The following KCNQ4 variants were observed in gnomAD, a reference collection of about 807,000 sequenced individuals.
KCNQ4 encodes potassium voltage-gated channel subfamily KQT member 4.
KCNQ4 carries 31 observed loss-of-function variants against 72.6 expected under a neutral mutation model. The ratio of observed to expected loss-of-function variants is 0.43; its 90% CI spans 0.32 to 0.58. The LOEUF is 0.58. Ranked by LOEUF, KCNQ4 falls within the 20% of genes least tolerant of loss-of-function variation. The pLI, the probability that KCNQ4 is intolerant of heterozygous loss-of-function variation, is 0.08. For missense variants in KCNQ4, 869 were observed against 962.6 expected, an observed-to-expected ratio of 0.90 and a Z score of 1.29; for synonymous variants, 405 against 403.7, an observed-to-expected ratio of 1.00 and a Z score of -0.04.
intron 7 of KCNQ4, 121 bp downstream of exon 7, chr1:40,820,381 G>A (rs1444447328): frequency 2.3e-6 from 2 of 851,236 alleles, no homozygotes; most frequent in East Asian, 2.7e-5. Flanking sequence ...GCTCAAAAGG[G>A]CTATGTGACT....
At chr1:40,789,602 C>G (rs759234643) in intron 1 of KCNQ4, among the ~76,000 whole-genome samples, 4 of 152,136 alleles carry the variant, frequency 2.6e-5, no homozygotes, top group Non-Finnish European at 4.4e-5. Flanking sequence ...TTTGGTGTCA[C>G]TGGAGCCGGT....
At chr1:40,833,134 G>T in intron 11 of KCNQ4, 21 bp downstream of exon 11, 4 of 1,578,900 alleles carry the variant, frequency 2.5e-6, no homozygotes, top group South Asian at 1.1e-5. Context: ...GGCCTGAGGC[G>T]AGCACCCCCC....
chr1:40,803,178 C>G (rs1170899211), intron 1 of KCNQ4, among the ~76,000 whole-genome samples: 1 of 152,190 alleles, frequency 6.6e-6, no homozygotes, highest in Non-Finnish European at 1.5e-5. Flanking sequence ...ACTCCCAGAA[C>G]ACAGAAGTCC....
rs1462694648 is a variant in KCNQ4, at chr1:40,794,244, G to A, written c.314+9837G>A. ...ACCTGCAGAGCACAGGGCCTTGATT[G>A]ACAGGCTGTGGAGGTGGGCCTTACC... On this transcript the variant is annotated intron_variant, in intron 1 of 13. Transcript: ENST00000347132. The surrounding 1 kb of genome is among the most constrained non-coding windows in gnomAD (Gnocchi z 4.2). 6.6e-6 allele frequency among the ~76,000 whole-genome samples: 1 copy of A among 152,222 alleles called. No individual in the cohort carries two copies. Among genetic ancestry groups the A allele is most frequent in the African/African-American group, 2.4e-5 (1 of 41,460 alleles).
intron 1 of KCNQ4, among the ~76,000 whole-genome samples, chr1:40,792,967 C>A (rs1454363836): frequency 6.6e-6 from 1 of 151,498 alleles, no homozygotes; most frequent in East Asian, 1.9e-4. Flanking sequence ...CCCCAAGGGG[C>A]CCCTGTGGGC....
chr1:40,825,970 A>G (rs1168837194), intron 9 of KCNQ4, among the ~76,000 whole-genome samples: 1 of 152,020 alleles, frequency 6.6e-6, no homozygotes, highest in African/African-American at 2.4e-5. Flanking sequence ...CTGGGAGGGG[A>G]CTTGGCGAGT....
At position 40,838,404 on chromosome 1, in the gene KCNQ4, G is replaced by C. The variant is rs757100858; in HGVS notation, c.1969G>C (p.Val657Leu). The C allele has an allele frequency of 8.7e-6, 14 of 1,614,124 alleles. No homozygotes were observed. The East Asian group carries it at 3.1e-4, about 36-fold the overall frequency. The stretch of plus-strand genomic sequence containing the variant: ...CTCGGCCAGCCTGGGCGCCGTGCAA[G>C]TGCCGCTGTTCGACCCCGACATCAC... ...GTSASLGAVQ[V>L]PLFDPDITSD... Residue 657 changes from valine to leucine, a missense_variant, in exon 14 of 14, where the codon GTG becomes CTG. Coordinates refer to ENST00000347132, the MANE Select transcript of KCNQ4 (RefSeq NM_004700.4).
At position 40,834,993 on chromosome 1, in the gene KCNQ4, G is replaced by A; in HGVS notation, c.1640G>A (p.Arg547Lys). The change falls in exon 12 of 14, where the codon AGG (arginine) becomes AAG (lysine). Residue 547 changes from arginine to lysine, a missense_variant. Physicochemically the swap from Arg to Lys is conservative, Grantham distance 26. Transcript: ENST00000347132. ...IRILKFLVAKRKFKETLRPYD... is the reference protein window; with the variant it reads ...IRILKFLVAKKKFKETLRPYD... ...ATTCTCAAGTTCCTGGTGGCCAAAA[G>A]GAAATTCAAGGAGACACTGCGACCG... The A allele has an allele frequency of 3.1e-6, 5 of 1,613,954 alleles. No individual in the cohort carries two copies. The highest frequency in any genetic ancestry group is 2.5e-6 in the Non-Finnish European group (3 of 1,179,892).
chr1:40,786,029 T>C (rs1270207841), intron 1 of KCNQ4, among the ~76,000 whole-genome samples: 2 of 152,056 alleles, frequency 1.3e-5, no homozygotes, highest in Admixed American at 6.5e-5. Flanking sequence ...TTGGGAGGCC[T>C]AGGATGAATA....
intron 1 of KCNQ4, among the ~76,000 whole-genome samples, chr1:40,790,152 G>T (rs980080489): frequency 1.3e-5 from 2 of 152,190 alleles, no homozygotes; most frequent in African/African-American, 4.8e-5. Flanking sequence ...TTCCTTCCTG[G>T]TTCTAGCCTT....
rs1176748165 is a variant in KCNQ4 at position 40,840,254 on chromosome 1, G to GAGCC, written c.*1733_*1736dup. On this transcript the variant is annotated 3_prime_UTR_variant, in exon 14 of 14. Transcript: ENST00000347132. The stretch of plus-strand genomic sequence containing the variant: ...CCACCTGCACTGCACTGTCCCCAGA[G>GAGCC]AGCCACCCCTCCACCCACTCAGAGA... The GAGCC allele has an allele frequency of 1.3e-5, 2 of 152,336 alleles. No individual in the cohort carries two copies. The highest frequency in any genetic ancestry group is 2.9e-5 in the Non-Finnish European group (2 of 68,152). 9.4% of individuals were successfully genotyped at this position (152,336 alleles called of 1,614,324 possible).
chr1:40,826,658 G>A (rs1016865051), intron 9 of KCNQ4: 9 of 455,818 alleles, frequency 2.0e-5, no homozygotes, highest in Non-Finnish European at 1.8e-5. Flanking sequence ...AATAATAAAC[G>A]GAGTTTCTTT....
rs1402193029 is a variant in KCNQ4, at chr1:40,824,107, C to G, written c.1141C>G (p.Leu381Val). Residue 381 changes from leucine (L) to valine (V), a missense_variant, in exon 9 of 14, where the codon CTC becomes GTC. Coordinates refer to ENST00000347132, the MANE Select transcript of KCNQ4 (RefSeq NM_004700.4). ...SILPSFRELALLFEHVQRARN... is the reference protein window; with the variant it reads ...SILPSFRELAVLFEHVQRARN... ...TGCCCTCTCCTGCAGAGAGCTGGCCCTCTTGTTTGAGCACGTGCAACGGGC... is the reference window on the plus strand; with the variant it reads ...TGCCCTCTCCTGCAGAGAGCTGGCCGTCTTGTTTGAGCACGTGCAACGGGC... The G allele has an allele frequency of 6.4e-7, 1 of 1,553,748 alleles. No homozygotes were observed. The highest frequency in any genetic ancestry group is 2.4e-5 in the East Asian group (1 of 41,260).
At chr1:40,812,139 G>A (rs1247798506) in intron 1 of KCNQ4, among the ~76,000 whole-genome samples, 1 of 152,180 alleles carries the variant, frequency 6.6e-6, no homozygotes, top group Non-Finnish European at 1.5e-5. Flanking sequence ...CTGAGCTGGG[G>A]TTCTAGCTGC....
intron 1 of KCNQ4, among the ~76,000 whole-genome samples, chr1:40,814,215 G>A (rs1261698935): frequency 6.6e-6 from 1 of 151,392 alleles, no homozygotes; most frequent in African/African-American, 2.4e-5. Context: ...CAACACGCCT[G>A]GCTAACTTTT....
At chr1:40,829,178 A>T (rs557772442) in intron 9 of KCNQ4, among the ~76,000 whole-genome samples, 69 of 151,548 alleles carry the variant, frequency 4.6e-4, no homozygotes, top group African/African-American at 1.6e-3. Context: ...GGCCTTCTCC[A>T]CTCTCCTCTC....
intron 1 of KCNQ4, among the ~76,000 whole-genome samples, chr1:40,796,560 CA>C (rs1647416566): frequency 6.6e-6 from 1 of 152,168 alleles, no homozygotes; most frequent in Admixed American, 6.5e-5. Context: ...CCACCTAACT[CA>C]CCCGGACTAT....
At chr1:40,806,334 C>T (rs1281062107) in intron 1 of KCNQ4, among the ~76,000 whole-genome samples, 2 of 152,178 alleles carry the variant, frequency 1.3e-5, no homozygotes, top group African/African-American at 4.8e-5. Context: ...CCCACACCTC[C>T]CTGTTTGAGA....
intron 1 of KCNQ4, among the ~76,000 whole-genome samples, chr1:40,814,475 G>A (rs113197433): frequency 0.014 from 2,183 of 152,214 alleles, 51 homozygotes; most frequent in African/African-American, 0.05. Flanking sequence ...AGGCAGAGGC[G>A]GGAGGATCAC....
Sources: allele counts gnomAD v4.1 joint callset (sites outside exome capture counted in the v4.1 genomes callset), GRCh38; gene constraint gnomAD v4.1.1; non-coding constraint Gnocchi (gnomAD v3.1); transcripts MANE v1.5; gene names NCBI Gene and HGNC (gene_info 2026-07-23, HGNC 2026-07-21).